The following ZC4H2 variants were observed in gnomAD, a reference collection of about 807,000 sequenced individuals.
ZC4H2 encodes the protein zinc finger C4H2-type containing, also known as zinc finger C4H2 domain-containing protein.
For synonymous variants in ZC4H2, 84 were observed against 66.3 expected (o/e 1.27, Z -1.30); for missense variants, 137 against 173.9 (o/e 0.79, Z 1.19).
At chrX:64,925,046 A>T (rs1929370339) in intron 1 of ZC4H2, among the ~76,000 whole-genome samples, 1 of 111,341 alleles carries the variant, frequency 9.0e-6, no homozygotes, top group Non-Finnish European at 1.9e-5. Flanking sequence ...GGATTAAATG[A>T]GCTAAGACAT....
intron 3 of ZC4H2, 84 bp from the exon 4 acceptor site, chrX:64,919,288 A>T (rs1396206058): frequency 9.2e-7 from 1 of 1,088,539 alleles, no homozygotes; most frequent in Non-Finnish European, 1.3e-6. Context: ...CCATACAACC[A>T]AGGGTTGAGC....
intron 1 of ZC4H2, among the ~76,000 whole-genome samples, chrX:65,026,750 T>C (rs1453076712): frequency 9.1e-6 from 1 of 109,844 alleles, no homozygotes; most frequent in African/African-American, 3.3e-5. Context: ...GATAGAGAAG[T>C]GTCTTATGGA....
At chrX:65,004,830 C>A (rs1013829516) in intron 1 of ZC4H2, among the ~76,000 whole-genome samples, 1 of 111,649 alleles carries the variant, frequency 9.0e-6, no homozygotes, top group Non-Finnish European at 1.9e-5. Context: ...ATTTAGAAAA[C>A]CCCATCATCT....
chrX:65,033,532 G>A (rs1295516328), intron 1 of ZC4H2, among the ~76,000 whole-genome samples: 1 of 111,503 alleles, frequency 9.0e-6, no homozygotes, highest in African/African-American at 3.3e-5. Flanking sequence ...GGGTGTGGAA[G>A]GAGCTAGGGC....
At chrX:64,964,529 G>A (rs932684332) in intron 1 of ZC4H2, among the ~76,000 whole-genome samples, 2 of 111,310 alleles carry the variant, frequency 1.8e-5, no homozygotes, top group Non-Finnish European at 3.8e-5. Flanking sequence ...TTTAAAGTAC[G>A]GACGAAATCC....
intron 1 of ZC4H2, among the ~76,000 whole-genome samples, chrX:64,956,950 C>T (rs760818595): frequency 1.8e-5 from 2 of 112,248 alleles, no homozygotes; most frequent in African/African-American, 6.5e-5. Context: ...AAGTTTTGGT[C>T]AACATCTCAA....
chrX:64,950,582 G>C (rs1368351880), intron 1 of ZC4H2, among the ~76,000 whole-genome samples: 4 of 110,835 alleles, frequency 3.6e-5, no homozygotes, highest in Non-Finnish European at 7.6e-5. Context: ...TTGTTGAATT[G>C]ATCCCTTTAC....
intron 2 of ZC4H2, among the ~76,000 whole-genome samples, chrX:64,920,516 A>G (rs897781631): frequency 1.8e-5 from 2 of 112,270 alleles, no homozygotes; most frequent in Admixed American, 9.4e-5. Flanking sequence ...AATGGGCTAA[A>G]TTAATATTTA....
chrX:64,963,073 C>T (rs1449695057), intron 1 of ZC4H2, among the ~76,000 whole-genome samples: 1 of 110,667 alleles, frequency 9.0e-6, no homozygotes, highest in East Asian at 2.8e-4. Context: ...TATGGTACTG[C>T]CATAAAAACA....
In ZC4H2 at chrX:65,022,138, A is replaced by G. The variant is rs1008521122; in HGVS notation, c.-272+12491T>C. Among the ~76,000 whole-genome samples the G allele has an allele frequency of 3.6e-5, 4 of 112,122 alleles. No homozygotes were observed. The Admixed American group carries it at 3.8e-4, about 11-fold the overall frequency. On this transcript the variant is annotated intron_variant, in intron 1 of 4. Coordinates refer to the ZC4H2 transcript ENST00000337990. ...ACCATTCCTTCTGAAACTATTCCAA[A>G]CAATAGAAAAAGAGAGAATCCTCCC...
At chrX:64,985,798 G>A (rs1396222723) in intron 1 of ZC4H2, among the ~76,000 whole-genome samples, 1 of 111,680 alleles carries the variant, frequency 9.0e-6, no homozygotes, top group Non-Finnish European at 1.9e-5. Flanking sequence ...GAGGCATGCT[G>A]GTTGCTAGAG....
chrX:64,921,980 G>A lies in ZC4H2; in HGVS notation c.62C>T (p.Thr21Ile). 1 of 1,209,481 alleles carries A rather than the reference G, an allele frequency of 8.3e-7. No individual in the cohort carries two copies. Among genetic ancestry groups the A allele is most frequent in the Non-Finnish European group, 1.1e-6 (1 of 894,851 alleles). ...AGCCTTGATCTTCTCCATCTGCAGG[G>A]TCTTGTTCCTGCAATTTGCAAAAAG... Reference protein sequence around the residue: ...LESIKEIRNKTLQMEKIKARL... With the variant: ...LESIKEIRNKILQMEKIKARL... The change falls in exon 2 of 5, where the codon ACC becomes ATC. Residue 21 changes from threonine to isoleucine, a missense_variant. By Grantham distance (89) the Thr-to-Ile change is moderately conservative. Transcript: ENST00000374839.
intron 2 of ZC4H2, 48 bp downstream of exon 2, chrX:64,921,769 T>C: frequency 8.5e-7 from 1 of 1,179,539 alleles, no homozygotes; most frequent in Non-Finnish European, 1.1e-6. Flanking sequence ...CATTCACCAC[T>C]ACCTCTTTCT....
intron 1 of ZC4H2, among the ~76,000 whole-genome samples, chrX:64,922,775 T>A (rs770377360): frequency 8.9e-5 from 10 of 112,293 alleles, no homozygotes; most frequent in Non-Finnish European, 7.5e-5. Flanking sequence ...TATGCACATA[T>A]GGCTACTGAG....
At chrX:64,943,655 C>CA (rs1555939060) in intron 1 of ZC4H2, among the ~76,000 whole-genome samples, 21 of 109,248 alleles carry the variant, frequency 1.9e-4, no homozygotes, top group African/African-American at 7.0e-4. Flanking sequence ...GCAGCCCCTG[C>CA]TTTTTTTTTG....
intron 1 of ZC4H2, among the ~76,000 whole-genome samples, chrX:65,020,434 C>T (rs1932828387): frequency 9.0e-6 from 1 of 111,660 alleles, no homozygotes; most frequent in South Asian, 3.8e-4. Context: ...TCCAGTCAAA[C>T]TAAGCTTCAT....
intron 1 of ZC4H2, among the ~76,000 whole-genome samples, chrX:64,969,643 T>C (rs1931709536): frequency 8.9e-6 from 1 of 111,792 alleles, no homozygotes; most frequent in Non-Finnish European, 1.9e-5. Flanking sequence ...GTTAGAAATG[T>C]AAATTCTCAG....
chrX:64,922,430 G>C (rs1929245687), intron 1 of ZC4H2, among the ~76,000 whole-genome samples: 1 of 111,914 alleles, frequency 8.9e-6, no homozygotes, highest in Admixed American at 9.4e-5. Flanking sequence ...AGGTGACAGA[G>C]CAAGACCTTG....
chrX:64,942,022 G>T (rs748688475), intron 1 of ZC4H2, among the ~76,000 whole-genome samples: 1 of 110,833 alleles, frequency 9.0e-6, no homozygotes, highest in African/African-American at 3.3e-5. Context: ...GCCTGGCCCT[G>T]GACTTTTTTT....
Sources: allele counts gnomAD v4.1 joint callset (sites outside exome capture counted in the v4.1 genomes callset), GRCh38; gene constraint gnomAD v4.1.1; transcripts MANE v1.5; gene names NCBI Gene and HGNC (gene_info 2026-07-23, HGNC 2026-07-21).